Variants in CNPY1 observed in about 807,000 individuals in gnomAD.
CNPY1 encodes protein canopy homolog 1.
In CNPY1, 14 loss-of-function variants were observed where a neutral mutation model predicts 14.4. That is an observed-to-expected ratio of 0.97 (90% CI 0.64 to 1.52). The LOEUF is 1.52. CNPY1 is among the 40% of genes most tolerant of loss of function. CNPY1 has a pLI of 0.00. For synonymous variants in CNPY1, 43 were observed against 46.5 expected, an observed-to-expected ratio of 0.92 and a Z score of 0.31; for missense variants, 129 against 131.5, an observed-to-expected ratio of 0.98 and a Z score of 0.09.
At chr7:155,535,092 C>T (rs879773343) in intron 2 of CNPY1, among the ~76,000 whole-genome samples, 16 of 152,282 alleles carry the variant, frequency 1.1e-4, no homozygotes, top group African/African-American at 3.6e-4. Flanking sequence ...GCAAAGGGCA[C>T]GGAGAAGGCT....
chr7:155,546,344 C>T (rs956465728), intron 1 of CNPY1, 85 bp downstream of exon 1: 1 of 375,214 alleles, frequency 2.7e-6, no homozygotes, highest in African/African-American at 2.3e-5. Flanking sequence ...CGTCGCCACA[C>T]CCGGCTAATT....
chr7:155,517,577 G>A (rs1394871971), intron 2 of CNPY1, among the ~76,000 whole-genome samples: 1 of 152,172 alleles, frequency 6.6e-6, no homozygotes, highest in Non-Finnish European at 1.5e-5. Context: ...GAGGCGGCCA[G>A]CAGGTCCACC....
In CNPY1 at chr7:155,534,295, T is replaced by A. The variant is rs188857871; in HGVS notation, c.99+11536A>T. 7.9e-3 allele frequency among the ~76,000 whole-genome samples: 1,199 copies of A among 151,788 alleles called. 11 individuals carry two copies. The highest frequency in any genetic ancestry group is 0.027 in the African/African-American group (1,137 of 41,374). On this transcript the variant is annotated intron_variant, in intron 2 of 4. Transcript: ENST00000636446. ...TGACTTTGAGCTCACACACACACAC[T>A]CACACGTGCATGCACACACACACAT...
At chr7:155,538,632 C>T (rs1424654407) in intron 2 of CNPY1, among the ~76,000 whole-genome samples, 1 of 152,166 alleles carries the variant, frequency 6.6e-6, no homozygotes, top group Non-Finnish European at 1.5e-5. Flanking sequence ...TAGCCACAGG[C>T]GTTAGAGGCC....
Position 155,502,911 on chromosome 7 carries a change from C to T in CNPY1, c.*157G>A. 1.6e-6 allele frequency: 1 copy of T among 628,752 alleles called. No individual in the cohort carries two copies. Among genetic ancestry groups the T allele is most frequent in the East Asian group, 2.8e-5 (1 of 36,284 alleles). The allele number at this position is 628,752 out of a possible 1,614,324, so 38.9% of individuals were successfully genotyped here. A position where few individuals can be genotyped will look rare whatever the true frequency, so the allele number is the denominator to read the frequency against. ...ACGCAGGGTTTGTCATGATGTCAACCAACAGATTTTCAAAATGAATCATAA... is the reference window on the plus strand; with the variant it reads ...ACGCAGGGTTTGTCATGATGTCAACTAACAGATTTTCAAAATGAATCATAA... On this transcript the variant is annotated 3_prime_UTR_variant, in exon 5 of 5. Transcript: ENST00000636446.
At chr7:155,505,503 T>C (rs1796274428) in intron 4 of CNPY1, among the ~76,000 whole-genome samples, 1 of 152,222 alleles carries the variant, frequency 6.6e-6, no homozygotes, top group African/African-American at 2.4e-5. Context: ...TTAAGATTAT[T>C]GAAATTAAGT....
chr7:155,525,342 G>A (rs1025142664), intron 2 of CNPY1, among the ~76,000 whole-genome samples: 8 of 152,018 alleles, frequency 5.3e-5, no homozygotes, highest in Admixed American at 1.3e-4. Context: ...CATCACGGCC[G>A]GTTAATTTTG....
chr7:155,504,689 AAC>A (rs61377945), intron 4 of CNPY1, among the ~76,000 whole-genome samples: 8,541 of 145,084 alleles, frequency 0.059, 645 homozygotes, highest in African/African-American at 0.18. Context: ...CATACCCCCC[AAC>A]ACACACACAC....
In CNPY1 at chr7:155,545,865, C is replaced by T. The variant is rs1381373203; in HGVS notation, c.65G>A (p.Arg22Gln). ...CTCCTGAGTCCCATCGGGATTGATTCGGAAGGATCCCACCTTGGTCTTCTT... is the reference window on the plus strand; with the variant it reads ...CTCCTGAGTCCCATCGGGATTGATTTGGAAGGATCCCACCTTGGTCTTCTT... Reference protein sequence around the residue: ...RQKKTKVGSFRINPDGTQERR... With the variant: ...RQKKTKVGSFQINPDGTQERR... The change falls in exon 2 of 5, where the codon CGA becomes CAA. Residue 22 changes from arginine to glutamine, a missense_variant. Coordinates refer to ENST00000636446, the MANE Select transcript of CNPY1 (RefSeq NM_001393663.1). 6 of 398,648 alleles carry T rather than the reference C, an allele frequency of 1.5e-5. No homozygotes were observed. The highest frequency in any genetic ancestry group is 6.3e-4 in the Middle Eastern group (1 of 1,590). 24.7% of individuals were successfully genotyped at this position (398,648 alleles called of 1,614,324 possible).
chr7:155,527,054 C>CTTTCTTTCTTTCTTTCTTTCT (rs56296833), intron 2 of CNPY1, among the ~76,000 whole-genome samples: 4 of 90,344 alleles, frequency 4.4e-5, no homozygotes, highest in East Asian at 3.6e-4. Flanking sequence ...TTCTTTCTTT[C>CTTTCTTTCTTTCTTTCTTTCT]TTTTTTTTTT....
chr7:155,508,187 A>G (rs1161226884), intron 3 of CNPY1, among the ~76,000 whole-genome samples: 2 of 152,230 alleles, frequency 1.3e-5, no homozygotes, highest in African/African-American at 4.8e-5. Flanking sequence ...AGCATTGACT[A>G]AAGTGAAAAA....
chr7:155,533,144 C>G (rs1305117177), intron 2 of CNPY1, among the ~76,000 whole-genome samples: 2 of 152,326 alleles, frequency 1.3e-5, no homozygotes, highest in African/African-American at 4.8e-5. Flanking sequence ...ATCTGCGTGG[C>G]TCACACCACA....
At chr7:155,516,529 C>A (rs28550213) in intron 2 of CNPY1, among the ~76,000 whole-genome samples, 3,727 of 152,066 alleles carry the variant, frequency 0.025, 149 homozygotes, top group African/African-American at 0.083. Context: ...GAGGAGGCTG[C>A]GGTATGACCA....
chr7:155,510,736 C>T (rs1283950699), intron 2 of CNPY1, among the ~76,000 whole-genome samples: 3 of 152,202 alleles, frequency 2.0e-5, no homozygotes, highest in African/African-American at 7.2e-5. Context: ...TCTACTTACG[C>T]TTTAATTATG....
chr7:155,517,227 C>T (rs1319485293), intron 2 of CNPY1, among the ~76,000 whole-genome samples: 10 of 152,086 alleles, frequency 6.6e-5, no homozygotes, highest in Non-Finnish European at 2.9e-5. Flanking sequence ...TGGCCAGTGT[C>T]CTTGTAGGAA....
At chr7:155,521,672 A>G (rs562488434) in intron 2 of CNPY1, among the ~76,000 whole-genome samples, 1 of 152,366 alleles carries the variant, frequency 6.6e-6, no homozygotes, top group South Asian at 2.1e-4. Flanking sequence ...CAAAAGAATA[A>G]TATTTAATGA....
rs115601440 is a variant in CNPY1, at chr7:155,534,284, C to A, written c.99+11547G>T. Among the ~76,000 whole-genome samples the A allele has an allele frequency of 7.9e-3, 1,201 of 152,194 alleles. 11 individuals carry two copies. Among genetic ancestry groups the A allele is most frequent in the African/African-American group, 0.027 (1,140 of 41,538 alleles). The stretch of plus-strand genomic sequence containing the variant: ...TCTGAGATAGGTGACTTTGAGCTCA[C>A]ACACACACACTCACACGTGCATGCA... On this transcript the variant is annotated intron_variant, in intron 2 of 4. Coordinates refer to ENST00000636446, the MANE Select transcript of CNPY1 (RefSeq NM_001393663.1).
At chr7:155,517,474 C>T (rs1401941862) in intron 2 of CNPY1, among the ~76,000 whole-genome samples, 2 of 152,186 alleles carry the variant, frequency 1.3e-5, no homozygotes, top group African/African-American at 4.8e-5. Context: ...CGTCCTCCTG[C>T]CTCAAGTTCT....
chr7:155,524,518 G>A lies in CNPY1; in HGVS notation c.100-15421C>T, dbSNP rs541034381. Among the ~76,000 whole-genome samples the A allele has an allele frequency of 7.8e-4, 118 of 152,192 alleles. 2 individuals are homozygous for A. The highest frequency in any genetic ancestry group is 1.3e-3 in the Non-Finnish European group (89 of 68,036). On this transcript the variant is annotated intron_variant, in intron 2 of 4. Coordinates refer to ENST00000636446, the MANE Select transcript of CNPY1 (RefSeq NM_001393663.1). Reference sequence around the variant, plus strand: ...TCAGCAGCGGCATTAGATTCTCATAGGAGTGTGAACCCTATTGTGAACGGC... The same window carrying A: ...TCAGCAGCGGCATTAGATTCTCATAAGAGTGTGAACCCTATTGTGAACGGC...
Sources: gnomAD v4.1 joint callset for allele counts (sites outside exome capture counted in the v4.1 genomes callset) on GRCh38, gnomAD v4.1.1 for gene constraint, MANE v1.5 for transcripts, NCBI Gene and HGNC (gene_info 2026-07-23, HGNC 2026-07-21) for gene names.